TIAL1: variants seen among roughly 807,000 people sequenced by gnomAD.
TIAL1 encodes the protein TIA1 cytotoxic granule associated RNA binding protein like 1.
In TIAL1, 7 loss-of-function variants were observed where a neutral mutation model predicts 59.7. The ratio of observed to expected loss-of-function variants is 0.12; its 90% CI spans 0.07 to 0.22. The LOEUF (loss-of-function observed/expected upper bound fraction) is 0.22, where lower values mean the gene tolerates loss of function less well. Among genes scored for constraint, TIAL1 ranks in the 10% least tolerant of loss-of-function variants. The probability of loss-of-function intolerance (pLI) is 1.00; values close to 1 mark genes in which losing one functional copy is unlikely to be tolerated. For synonymous variants in TIAL1, 149 were observed against 146.3 expected (o/e 1.02, Z -0.13); for missense variants, 225 against 462.5 (o/e 0.49, Z 4.71).
At chr10:119,581,723 C>T (rs1466395277) in intron 5 of TIAL1, 199 bp downstream of exon 5, 1 of 449,048 alleles carries the variant, frequency 2.2e-6, no homozygotes, top group Middle Eastern at 6.0e-4. Flanking sequence ...TAGATGAAAA[C>T]GAGACCCCAA....
intron 1 of TIAL1, among the ~76,000 whole-genome samples, chr10:119,595,626 A>T (rs1846131532): frequency 6.6e-6 from 1 of 152,174 alleles, no homozygotes; most frequent in South Asian, 2.1e-4. Context: ...CGTTCAGAAG[A>T]CACACATCAA....
intron 5 of TIAL1, 193 bp downstream of exon 5, chr10:119,581,729 C>T: frequency 4.1e-6 from 2 of 484,866 alleles, no homozygotes; most frequent in Non-Finnish European, 7.3e-6. Flanking sequence ...AAAACGAGAC[C>T]CCAAGACACT....
chr10:119,578,085 T>TGTG (rs1845103067), intron 7 of TIAL1, among the ~76,000 whole-genome samples: 1 of 151,748 alleles, frequency 6.6e-6, no homozygotes, highest in African/African-American at 2.4e-5. Flanking sequence ...ATTGGCTGGG[T>TGTG]GTGGTGGCAC....
At position 119,574,024 on chromosome 10, in the gene TIAL1, A is replaced by T. The variant is rs552759798; in HGVS notation, c.*1641T>A. 3.9e-5 allele frequency: 6 copies of T among 152,806 alleles called. No individual in the cohort carries two copies. In the South Asian group the frequency reaches 1.2e-3, roughly 32 times the overall value. The allele number at this position is 152,806 out of a possible 1,614,324, so 9.5% of individuals were successfully genotyped here. A position where few individuals can be genotyped will look rare whatever the true frequency, so the allele number is the denominator to read the frequency against. ...TAGAAAACAGTAATTTGTGGGTACT[A>T]ATCGCATCTTACTATGTAACTGTAA... On this transcript the variant is annotated 3_prime_UTR_variant, in exon 12 of 12. Coordinates refer to ENST00000436547, the MANE Select transcript of TIAL1 (RefSeq NM_003252.4).
At chr10:119,578,237 A>G (rs2133993072) in intron 7 of TIAL1, among the ~76,000 whole-genome samples, 1 of 151,390 alleles carries the variant, frequency 6.6e-6, no homozygotes, top group Non-Finnish European at 1.5e-5. Flanking sequence ...AAAAAAAAAA[A>G]AAAAAAAAAA....
chr10:119,583,560 T>G (rs1845398883), intron 2 of TIAL1, among the ~76,000 whole-genome samples: 1 of 152,218 alleles, frequency 6.6e-6, no homozygotes, highest in Non-Finnish European at 1.5e-5. Flanking sequence ...CATTATTCAA[T>G]GTAAAATGCC....
At chr10:119,596,379 G>A (rs1194454257) in intron 1 of TIAL1, 55 bp downstream of exon 1, 1 of 1,603,788 alleles carries the variant, frequency 6.2e-7, no homozygotes, top group Admixed American at 1.7e-5. Context: ...CTCCCTTAGC[G>A]TCCCGCGGTG....
intron 2 of TIAL1, among the ~76,000 whole-genome samples, chr10:119,585,468 A>T (rs75149082): frequency 6.6e-6 from 1 of 151,838 alleles, no homozygotes; most frequent in Non-Finnish European, 1.5e-5. Flanking sequence ...AAAAAAAAAA[A>T]ATCCGTTATG....
At chr10:119,588,580 G>C (rs538483465) in intron 1 of TIAL1, among the ~76,000 whole-genome samples, 154 of 152,262 alleles carry the variant, frequency 1.0e-3, no homozygotes, top group African/African-American at 3.3e-3. Flanking sequence ...CTGACCTCAG[G>C]TGATCTGTCC....
Position 119,576,731 on chromosome 10 carries a change from C to T in TIAL1, c.881G>A (p.Gly294Asp). 6.2e-7 allele frequency: 1 copy of T among 1,613,892 alleles called. No homozygotes were observed. The change falls in exon 11 of 12, where the codon GGC (glycine) becomes GAC (aspartate). Residue 294 changes from glycine (G) to aspartate (D), a missense_variant. Physicochemically the swap from Gly to Asp is moderately conservative, Grantham distance 94. This residue lies in a region of TIAL1 where 80 missense variants were observed against 158.8 expected (regional missense o/e 0.50). Transcript: ENST00000436547. The part of the protein sequence containing the change: ...NFQQVDYSQW[G>D]QWSQVYGNPQ... ...GTTTCCATACACTTGGCTCCATTGGCCCCATTGACTATAGTCAACCTAGGA... is the reference window on the plus strand; with the variant it reads ...GTTTCCATACACTTGGCTCCATTGGTCCCATTGACTATAGTCAACCTAGGA...
intron 1 of TIAL1, among the ~76,000 whole-genome samples, chr10:119,590,762 G>GAGAAAGAGAGAAAGAGAGAAAGAGAGAA: frequency 8.0e-6 from 1 of 125,398 alleles, no homozygotes; most frequent in African/African-American, 3.1e-5. Flanking sequence ...GAGAGAAAGA[G>GAGAAAGAGAGAAAGAGAGAAAGAGAGAA]AGAAAGAAAG....
chr10:119,593,485 T>C, intron 1 of TIAL1: 2 of 985,840 alleles, frequency 2.0e-6, no homozygotes, highest in Non-Finnish European at 2.4e-6. Flanking sequence ...TTTCTGAAGA[T>C]AGAACCATAT....
chr10:119,576,535 C>G, intron 11 of TIAL1, 76 bp downstream of exon 11: 1 of 1,536,968 alleles, frequency 6.5e-7, no homozygotes, highest in Middle Eastern at 1.7e-4. Flanking sequence ...AAAATAGATT[C>G]TCCCTAGGAA....
Position 119,575,411 on chromosome 10 carries a change from A to G in TIAL1, c.*254T>C. 3.1e-6 allele frequency: 1 copy of G among 323,074 alleles called. No homozygotes were observed. The highest frequency in any genetic ancestry group is 4.4e-5 in the South Asian group (1 of 22,558). 20.0% of individuals were successfully genotyped at this position (323,074 alleles called of 1,614,324 possible). On this transcript the variant is annotated 3_prime_UTR_variant, in exon 12 of 12. Coordinates refer to ENST00000436547, the MANE Select transcript of TIAL1 (RefSeq NM_003252.4). ...TATTATATCAAAATTTGTAGTCAGA[A>G]TTGTCTTTATTGACTTTATTTTAGT...
rs1299674118 is a variant in TIAL1, at chr10:119,573,853, A to T, written c.*1812T>A. On this transcript the variant is annotated 3_prime_UTR_variant, in exon 12 of 12. Transcript: ENST00000436547. ...GTGCCATAAAAAATTTGGCCCAGCT[A>T]TGAATTTCAGACCCTATGAATTTTT... The T allele has an allele frequency of 6.6e-6, 1 of 152,250 alleles. No individual in the cohort carries two copies. Among genetic ancestry groups the T allele is most frequent in the Non-Finnish European group, 1.5e-5 (1 of 68,044 alleles). 9.4% of individuals were successfully genotyped at this position (152,250 alleles called of 1,614,324 possible).
chr10:119,575,884 A>C, intron 11 of TIAL1, 93 bp from the exon 12 acceptor site: 1 of 1,314,808 alleles, frequency 7.6e-7, no homozygotes, highest in Non-Finnish European at 1.0e-6. Context: ...TAATCACAGA[A>C]TAGAAAACCA....
At chr10:119,585,933 T>C (rs1272063239) in intron 2 of TIAL1, among the ~76,000 whole-genome samples, 1 of 152,180 alleles carries the variant, frequency 6.6e-6, no homozygotes, top group African/African-American at 2.4e-5. Flanking sequence ...TTTTCCTGTT[T>C]CCTCACTGTA....
intron 10 of TIAL1, 26 bp downstream of exon 10, chr10:119,577,054 A>C (rs746188598): frequency 6.2e-7 from 1 of 1,611,290 alleles, no homozygotes; most frequent in Non-Finnish European, 8.5e-7. Flanking sequence ...GGAAACCTTA[A>C]AGAATGCTAT....
chr10:119,592,266 T>C (rs1174560566), intron 1 of TIAL1: 1 of 152,216 alleles, frequency 6.6e-6, no homozygotes, highest in Non-Finnish European at 1.5e-5. Flanking sequence ...TTAGAGTCTA[T>C]TTTGTCTTCT....
Sources: gnomAD v4.1 joint callset for allele counts (sites outside exome capture counted in the v4.1 genomes callset) on GRCh38, gnomAD v4.1.1 for gene constraint, gnomAD v4.1.1 regional missense constraint, MANE v1.5 for transcripts, NCBI Gene and HGNC (gene_info 2026-07-23, HGNC 2026-07-21) for gene names.